Variants in NMNAT3 observed in about 807,000 individuals in gnomAD.
NMNAT3 encodes nicotinamide nucleotide adenylyltransferase 3.
A neutral mutation model predicts 24.8 loss-of-function variants in NMNAT3; 21 were observed. The observed-to-expected ratio is 0.85, with a 90% CI of 0.60 to 1.22. The LOEUF (loss-of-function observed/expected upper bound fraction) is 1.22. Ranked by LOEUF, NMNAT3 falls within the 50% of genes most tolerant of loss-of-function variation. The pLI, the probability that NMNAT3 is intolerant of heterozygous loss-of-function variation, is 0.00. For missense variants in NMNAT3, 387 were observed against 436.6 expected, an observed-to-expected ratio of 0.89 and a Z score of 1.01; for synonymous variants, 136 against 155.2, an observed-to-expected ratio of 0.88 and a Z score of 0.92.
At chr3:139,566,509 G>C (rs1485832181) in intron 6 of NMNAT3, 3 of 152,146 alleles carry the variant, frequency 2.0e-5, no homozygotes, top group Non-Finnish European at 2.9e-5. Context: ...TAACATTTAA[G>C]TCTTTAATCC....
At chr3:139,659,197 A>G (rs1239617348) in intron 1 of NMNAT3, among the ~76,000 whole-genome samples, 1 of 152,180 alleles carries the variant, frequency 6.6e-6, no homozygotes, top group African/African-American at 2.4e-5. Flanking sequence ...GTGAATAAGG[A>G]TTATCACTGA....
At chr3:139,658,355 C>T (rs76215182) in intron 1 of NMNAT3, among the ~76,000 whole-genome samples, 1,930 of 152,296 alleles carry the variant, frequency 0.013, 37 homozygotes, top group African/African-American at 0.044. Context: ...TCTTAAGGAC[C>T]CTGCCCTCGC....
At chr3:139,561,448 A>T (rs139867528) in intron 6 of NMNAT3, 56 bp from the exon 7 acceptor site, 1 of 1,535,408 alleles carries the variant, frequency 6.5e-7, no homozygotes, top group African/African-American at 1.4e-5. Context: ...GCCAGGAAAG[A>T]CAACATCATT....
rs190446571 is a variant in NMNAT3 at position 139,630,681 on chromosome 3, A to G, written c.-40-2917T>C. 7.4e-4 allele frequency among the ~76,000 whole-genome samples: 113 copies of G among 152,138 alleles called. 1 individual carries two copies. Among genetic ancestry groups the G allele is most frequent in the Non-Finnish European group, 1.6e-3 (106 of 68,012 alleles). On this transcript the variant is annotated intron_variant, in intron 2 of 6. Coordinates refer to ENST00000643695, the MANE Select transcript of NMNAT3 (RefSeq NM_001320510.2). Reference sequence around the variant, plus strand: ...TCTGAGCTACAGTGTGAAGATGAAAAGCTCTCAGCCTAGGCGGGCCGTGGT... The same window carrying G: ...TCTGAGCTACAGTGTGAAGATGAAAGGCTCTCAGCCTAGGCGGGCCGTGGT...
intron 1 of NMNAT3, among the ~76,000 whole-genome samples, chr3:139,645,023 G>A (rs2056826423): frequency 6.6e-6 from 1 of 152,102 alleles, no homozygotes; most frequent in Admixed American, 6.5e-5. Context: ...ACAAAATGGT[G>A]AGACCTCATC....
intron 2 of NMNAT3, chr3:139,634,853 G>C (rs2056442246): frequency 1.3e-5 from 2 of 152,156 alleles, no homozygotes; most frequent in African/African-American, 4.8e-5. Flanking sequence ...ACTACTACTG[G>C]GTTTATTGAG....
intron 3 of NMNAT3, among the ~76,000 whole-genome samples, chr3:139,612,567 C>T (rs1386904596): frequency 6.6e-6 from 1 of 152,200 alleles, no homozygotes; most frequent in African/African-American, 2.4e-5. Flanking sequence ...ATGCATCCCT[C>T]TTCTGGTGAA....
intron 3 of NMNAT3, among the ~76,000 whole-genome samples, chr3:139,623,768 A>C (rs943531671): frequency 3.9e-5 from 6 of 152,158 alleles, no homozygotes; most frequent in Admixed American, 3.9e-4. Flanking sequence ...TTTTTAGTAG[A>C]GATGGGATTT....
chr3:139,635,074 C>G (rs1559935585), intron 2 of NMNAT3: 1 of 152,178 alleles, frequency 6.6e-6, no homozygotes, highest in South Asian at 2.1e-4. Context: ...TAGCACAGTA[C>G]CTGGCCCATA....
At chr3:139,625,620 A>C (rs994247694) in intron 3 of NMNAT3, among the ~76,000 whole-genome samples, 3 of 152,042 alleles carry the variant, frequency 2.0e-5, no homozygotes, top group Non-Finnish European at 4.4e-5. Context: ...CATATATTTT[A>C]CTTCTACATA....
chr3:139,611,761 C>T (rs74509916), intron 3 of NMNAT3, among the ~76,000 whole-genome samples: 6,174 of 152,226 alleles, frequency 0.041, 296 homozygotes, highest in East Asian at 0.25. Context: ...GTATCCTGCC[C>T]GTGACAGGAC....
chr3:139,594,661 C>A (rs1379503190), intron 3 of NMNAT3, among the ~76,000 whole-genome samples: 1 of 152,228 alleles, frequency 6.6e-6, no homozygotes, highest in South Asian at 2.1e-4. Context: ...GTTCAATATA[C>A]GCAAATCAGT....
chr3:139,654,466 A>G (rs1182299896), intron 1 of NMNAT3, among the ~76,000 whole-genome samples: 1 of 152,224 alleles, frequency 6.6e-6, no homozygotes, highest in East Asian at 1.9e-4. Context: ...CCTCCTTCAG[A>G]TGCCGAAAGC....
At chr3:139,673,448 G>T (rs954338459) in intron 1 of NMNAT3, among the ~76,000 whole-genome samples, 1 of 152,104 alleles carries the variant, frequency 6.6e-6, no homozygotes. Context: ...TGCTTACCAG[G>T]ATTTATAGAA....
At chr3:139,617,042 A>G (rs2055539421) in intron 3 of NMNAT3, among the ~76,000 whole-genome samples, 1 of 152,184 alleles carries the variant, frequency 6.6e-6, no homozygotes, top group African/African-American at 2.4e-5. Flanking sequence ...CCCTGACTCC[A>G]GCGAACTTCA....
At chr3:139,624,125 ATTTG>A (rs1385288570) in intron 3 of NMNAT3, among the ~76,000 whole-genome samples, 1 of 152,028 alleles carries the variant, frequency 6.6e-6, no homozygotes, top group Non-Finnish European at 1.5e-5. Flanking sequence ...TCATCTGTTC[ATTTG>A]TTTATTAAAG....
intron 6 of NMNAT3, chr3:139,567,960 C>G (rs936079643): frequency 6.6e-6 from 1 of 152,204 alleles, no homozygotes; most frequent in Non-Finnish European, 1.5e-5. Flanking sequence ...GGCTGTGAAT[C>G]CATCTGGTCC....
intron 1 of NMNAT3, among the ~76,000 whole-genome samples, chr3:139,671,964 C>T (rs2057771907): frequency 6.6e-6 from 1 of 152,304 alleles, no homozygotes; most frequent in Non-Finnish European, 1.5e-5. Flanking sequence ...TTATTGAGCC[C>T]AAATTCGGGT....
At chr3:139,566,069 T>C (rs897174664) in intron 6 of NMNAT3, 11 of 152,120 alleles carry the variant, frequency 7.2e-5, no homozygotes, top group Non-Finnish European at 1.3e-4. Flanking sequence ...TGGTGTGAGA[T>C]GGTATCTCAT....
Sources: gnomAD v4.1 joint callset for allele counts (sites outside exome capture counted in the v4.1 genomes callset) on GRCh38, gnomAD v4.1.1 for gene constraint, MANE v1.5 for transcripts, NCBI Gene and HGNC (gene_info 2026-07-23, HGNC 2026-07-21) for gene names.